Variants in COX5A observed in about 807,000 individuals in gnomAD.
The protein encoded by COX5A is cytochrome c oxidase subunit 5A, mitochondrial.
A neutral mutation model predicts 16.1 loss-of-function variants in COX5A; 6 were observed. The observed-to-expected ratio is 0.37, with a 90% confidence interval of 0.20 to 0.73. The LOEUF is 0.73. Ranked by LOEUF, COX5A falls within the 30% of genes least tolerant of loss-of-function variation. COX5A has a pLI of 0.50. For missense variants in COX5A, 159 were observed against 194.9 expected (o/e 0.82, Z 1.10); for synonymous variants, 73 against 73.8 (o/e 0.99, Z 0.06).
chr15:74,937,221 C>G (rs911790734), intron 1 of COX5A, among the ~76,000 whole-genome samples: 2 of 152,102 alleles, frequency 1.3e-5, no homozygotes, highest in African/African-American at 2.4e-5. Context: ...GGAAAAAACA[C>G]GAAGCGTTCC....
At chr15:74,930,593 A>C (rs995025839) in intron 1 of COX5A, among the ~76,000 whole-genome samples, 11 of 150,768 alleles carry the variant, frequency 7.3e-5, no homozygotes, top group Admixed American at 2.0e-4. Context: ...CTGCAGCCTC[A>C]AATTCTTTGG....
intron 2 of COX5A, 35 bp downstream of exon 2, chr15:74,929,081 A>G (rs2065355288): frequency 6.9e-7 from 1 of 1,452,726 alleles, no homozygotes; most frequent in Non-Finnish European, 9.7e-7. Flanking sequence ...ATATTTACAC[A>G]CCAAAATAGA....
rs373234339 is a variant in COX5A at position 74,923,755 on chromosome 15, G to C, written c.355C>G (p.His119Asp). Residue 119 changes from histidine to aspartate, a missense_variant, in exon 4 of 5, where the codon CAT (histidine) becomes GAT (aspartate). Coordinates refer to ENST00000322347, the MANE Select transcript of COX5A (RefSeq NM_004255.4). The stretch of plus-strand genomic sequence containing the variant: ...ATGACATAGGGGTAGATTTCCTTAT[G>C]AGGTCCTGCTTTGTCCTGATGGCAA... Reference protein sequence around the residue: ...LEVVKDKAGPHKEIYPYVIQE... With the variant: ...LEVVKDKAGPDKEIYPYVIQE... The C allele has an allele frequency of 1.4e-5, 23 of 1,604,436 alleles. No individual in the cohort carries two copies. Among genetic ancestry groups the C allele is most frequent in the Non-Finnish European group, 1.9e-5 (22 of 1,172,834 alleles).
At chr15:74,927,640 C>T (rs1191526968) in intron 2 of COX5A, among the ~76,000 whole-genome samples, 1 of 151,992 alleles carries the variant, frequency 6.6e-6, no homozygotes, top group Non-Finnish European at 1.5e-5. Context: ...GGCGTGGTGG[C>T]ACATGCCTGT....
intron 4 of COX5A, 71 bp downstream of exon 4, chr15:74,923,554 AACACTGAAAGGTCTTACTATAGC>A (rs1487581272): frequency 1.6e-6 from 1 of 625,498 alleles, no homozygotes; most frequent in African/African-American, 1.9e-5. Flanking sequence ...CTCTAACAAG[AACACTGAAAGGTCTTACTATAGC>A]ACACTGAAAT....
Position 74,937,957 on chromosome 15 carries a change from G to C in COX5A, c.58C>G (p.Arg20Gly). 4.9e-6 allele frequency: 6 copies of C among 1,233,144 alleles called. No individual in the cohort carries two copies. The highest frequency in any genetic ancestry group is 4.1e-5 in the South Asian group (1 of 24,396). 76.4% of individuals were successfully genotyped at this position (1,233,144 alleles called of 1,614,324 possible). ...AVAATTRADP[R>G]GLLHSARTPG... ...GTCCGGGCGGAGTGCAGGAGGCCTC[G>C]AGGGTCGGCCCGGGTGGTTGCGGCC... The change falls in exon 1 of 5, where the codon CGA becomes GGA. Residue 20 changes from arginine to glycine, a missense_variant. Transcript: ENST00000322347.
At chr15:74,927,078 G>C (rs998138303) in intron 2 of COX5A, among the ~76,000 whole-genome samples, 191 bp from the exon 3 acceptor site, 3 of 152,010 alleles carry the variant, frequency 2.0e-5, no homozygotes, top group Non-Finnish European at 2.9e-5. Context: ...CTCCCTTAGT[G>C]AATCAGTGGA....
At chr15:74,927,099 T>C (rs1218665639) in intron 2 of COX5A, among the ~76,000 whole-genome samples, 1 of 152,150 alleles carries the variant, frequency 6.6e-6, no homozygotes, top group Non-Finnish European at 1.5e-5. Flanking sequence ...AAGAAAGAAC[T>C]ATGCAACAGC....
chr15:74,929,317 A>G (rs1343501233), intron 1 of COX5A, 85 bp from the exon 2 acceptor site: 5 of 911,804 alleles, frequency 5.5e-6, no homozygotes, highest in Middle Eastern at 2.2e-4. Context: ...TGAGTTGACT[A>G]TATATGTTGT....
At chr15:74,925,234 C>T (rs189913371) in intron 3 of COX5A, among the ~76,000 whole-genome samples, 10 of 151,858 alleles carry the variant, frequency 6.6e-5, no homozygotes, top group African/African-American at 2.2e-4. Flanking sequence ...CAGGAGACCT[C>T]GGAGGTTGCA....
rs960774254 is a variant in COX5A, at chr15:74,920,045, C to T, written c.*407G>A. 2.6e-5 allele frequency: 8 copies of T among 310,610 alleles called. No homozygotes were observed. Among genetic ancestry groups the T allele is most frequent in the Non-Finnish European group, 4.1e-5 (7 of 171,694 alleles). The allele number at this position is 310,610 out of a possible 1,614,324, so 19.2% of individuals were successfully genotyped here. A position where few individuals can be genotyped will look rare whatever the true frequency, so the allele number is the denominator to read the frequency against. On this transcript the variant is annotated 3_prime_UTR_variant, in exon 5 of 5. Coordinates refer to ENST00000322347, the MANE Select transcript of COX5A (RefSeq NM_004255.4). ...TGATCTATCCCCACAGACAACCAGT[C>T]CCCTAAGCCTAGGGTGTCAACAAGA...
chr15:74,923,714 T>A lies in COX5A; in HGVS notation c.396A>T (p.Pro132=). ...IYPYVIQELR[P]TLNELGISTP... ...TGGAGATTCCCAGTTCATTTAAAGTTGGTCTAAGTTCCTGGATGACATAGG... is the reference window on the plus strand; with the variant it reads ...TGGAGATTCCCAGTTCATTTAAAGTAGGTCTAAGTTCCTGGATGACATAGG... The change falls in exon 4 of 5, where the codon CCA becomes CCT. Residue 132 remains proline (P), a synonymous_variant. Transcript: ENST00000322347. The A allele has an allele frequency of 6.2e-7, 1 of 1,611,968 alleles. No individual in the cohort carries two copies. Among genetic ancestry groups the A allele is most frequent in the Non-Finnish European group, 8.5e-7 (1 of 1,179,772 alleles).
intron 1 of COX5A, among the ~76,000 whole-genome samples, chr15:74,935,539 T>C (rs2065385386): frequency 6.6e-6 from 1 of 150,534 alleles, no homozygotes. Context: ...AGGTCAAGGC[T>C]GCAGTGAGCT....
intron 1 of COX5A, among the ~76,000 whole-genome samples, chr15:74,931,553 ATTTT>A (rs200291956): frequency 1.4e-5 from 2 of 138,446 alleles, no homozygotes; most frequent in Non-Finnish European, 1.6e-5. Flanking sequence ...AAGCATTTCC[ATTTT>A]TTTTTTTTTT....
chr15:74,936,448 GA>G (rs1403438598), intron 1 of COX5A, among the ~76,000 whole-genome samples: 2 of 152,002 alleles, frequency 1.3e-5, no homozygotes, highest in Non-Finnish European at 2.9e-5. Flanking sequence ...CAAACTTTGG[GA>G]GGCTGAGGTG....
intron 2 of COX5A, among the ~76,000 whole-genome samples, chr15:74,928,270 G>C (rs2065352206): frequency 6.6e-6 from 1 of 152,054 alleles, no homozygotes; most frequent in Non-Finnish European, 1.5e-5. Flanking sequence ...GCAAATTTAG[G>C]AAAGACAAGT....
chr15:74,928,456 C>T (rs2065353060), intron 2 of COX5A, among the ~76,000 whole-genome samples: 1 of 151,972 alleles, frequency 6.6e-6, no homozygotes, highest in African/African-American at 2.4e-5. Context: ...GCGATCTCGG[C>T]TCACTGCAAG....
Position 74,920,144 on chromosome 15 carries a change from A to G in COX5A, c.*308T>C, listed in dbSNP as rs1248867424. ...GCACCCAAACATATTAATGAAGCTG[A>G]TTTTCATGTCAGATGGTTTCCAGAG... On this transcript the variant is annotated 3_prime_UTR_variant, in exon 5 of 5. Coordinates refer to ENST00000322347, the MANE Select transcript of COX5A (RefSeq NM_004255.4). 1.0e-5 allele frequency: 5 copies of G among 496,380 alleles called. No homozygotes were observed. Among genetic ancestry groups the G allele is most frequent in the Non-Finnish European group, 1.7e-5 (5 of 287,954 alleles). 30.7% of individuals were successfully genotyped at this position (496,380 alleles called of 1,614,324 possible).
Position 74,937,927 on chromosome 15 carries a change from C to T in COX5A, c.88G>A (p.Gly30Ser), listed in dbSNP as rs1374578937. The change falls in exon 1 of 5, where the codon GGC (glycine) becomes AGC (serine). Residue 30 changes from glycine (G) to serine (S), a missense_variant. Coordinates refer to ENST00000322347, the MANE Select transcript of COX5A (RefSeq NM_004255.4). ...GCAGGGGCCTTACCCACGGCGGGGC[C>T]GGGGGTCCGGGCGGAGTGCAGGAGG... ...RGLLHSARTP[G>S]PAVAIQSVRC... The T allele has an allele frequency of 1.2e-5, 15 of 1,231,982 alleles. No individual in the cohort carries two copies. Among genetic ancestry groups the T allele is most frequent in the South Asian group, 4.1e-5 (1 of 24,350 alleles). 76.3% of individuals were successfully genotyped at this position (1,231,982 alleles called of 1,614,324 possible).
Sources: gnomAD v4.1 joint callset for allele counts (sites outside exome capture counted in the v4.1 genomes callset) on GRCh38, gnomAD v4.1.1 for gene constraint, MANE v1.5 for transcripts, NCBI Gene and HGNC (gene_info 2026-07-23, HGNC 2026-07-21) for gene names.